Variants in CFAP77 observed in about 807,000 individuals in gnomAD.
CFAP77 encodes the protein cilia- and flagella-associated protein 77.
A neutral mutation model predicts 31.1 loss-of-function variants in CFAP77; 25 were observed. That is an observed-to-expected ratio of 0.80 (90% CI 0.59 to 1.12). The LOEUF is 1.12. Ranked by LOEUF, CFAP77 falls within the 50% of genes most tolerant of loss-of-function variation. CFAP77 has a pLI of 0.00. For missense variants in CFAP77, 377 were observed against 397.3 expected, an observed-to-expected ratio of 0.95 and a Z score of 0.44; for synonymous variants, 151 against 159.9, an observed-to-expected ratio of 0.94 and a Z score of 0.42.
At chr9:132,448,169 G>A (rs968431850) in intron 1 of CFAP77, among the ~76,000 whole-genome samples, 2 of 148,568 alleles carry the variant, frequency 1.3e-5, no homozygotes, top group East Asian at 1.9e-4. Context: ...ATACACACAC[G>A]CACACATGCA....
In CFAP77 at chr9:132,572,718, C is replaced by T; in HGVS notation, c.*208C>T. ...TTAGTCTCCACTTAGCCCCAGTGAC[C>T]CTCTACCTGGAGCCTCCTCCTCTCC... is the stretch of plus-strand genomic sequence containing the variant. On this transcript the variant is annotated 3_prime_UTR_variant, in exon 6 of 6. Coordinates refer to ENST00000393216, the MANE Select transcript of CFAP77 (RefSeq NM_001282957.2). 1 of 564,540 alleles carries T rather than the reference C, an allele frequency of 1.8e-6. No homozygotes were observed. The highest frequency in any genetic ancestry group is 3.1e-6 in the Non-Finnish European group (1 of 325,462). 35.0% of individuals were successfully genotyped at this position (564,540 alleles called of 1,614,324 possible).
At chr9:132,463,053 G>C (rs1219719207) in intron 1 of CFAP77, among the ~76,000 whole-genome samples, 1 of 152,134 alleles carries the variant, frequency 6.6e-6, no homozygotes, top group Non-Finnish European at 1.5e-5. Flanking sequence ...AGGACGGGGA[G>C]AGGCAATGAG....
rs1367290710 is a variant in CFAP77, at chr9:132,486,038, A to ATATG, written c.196-12649_196-12646dup. On this transcript the variant is annotated intron_variant, in intron 1 of 5. Transcript: ENST00000393216. ...TATATATATATATATATATATATAT[A>ATATG]TATGTATGTATATGTATGTGTGTGT... Among the ~76,000 whole-genome samples the ATATG allele has an allele frequency of 3.6e-4, 13 of 36,280 alleles. 1 individual carries two copies. The highest frequency in any genetic ancestry group is 4.7e-4 in the Non-Finnish European group (11 of 23,358). 23.8% of individuals were successfully genotyped at this position (36,280 alleles called of 152,430 possible). A position where few individuals can be genotyped will look rare whatever the true frequency, so the allele number is the denominator to read the frequency against.
intron 3 of CFAP77, among the ~76,000 whole-genome samples, chr9:132,502,439 C>T (rs1459247640): frequency 6.6e-6 from 1 of 152,086 alleles, no homozygotes; most frequent in East Asian, 1.9e-4. Flanking sequence ...CCATCCATCT[C>T]AAGAACTTTT....
Position 132,499,240 on chromosome 9 carries a change from G to C in CFAP77, c.296-132G>C, listed in dbSNP as rs565828658. 9.0e-5 allele frequency: 68 copies of C among 754,964 alleles called. 1 individual carries two copies. In the South Asian group the frequency reaches 1.1e-3, roughly 12 times the overall value. The allele number at this position is 754,964 out of a possible 1,614,324, so 46.8% of individuals were successfully genotyped here. A position where few individuals can be genotyped will look rare whatever the true frequency, so the allele number is the denominator to read the frequency against. The stretch of plus-strand genomic sequence containing the variant: ...ATCATGCTTTCTGGGGGCCAGGCAG[G>C]GTTGTCACCCAGTAGGCTCAGGTAA... On this transcript the variant is annotated intron_variant, in intron 2 of 5. Transcript: ENST00000393216. The surrounding 1 kb of genome is among the most constrained non-coding windows in gnomAD (Gnocchi z 5.4).
chr9:132,467,415 G>A (rs1851172545), intron 1 of CFAP77, among the ~76,000 whole-genome samples: 1 of 151,994 alleles, frequency 6.6e-6, no homozygotes, highest in Non-Finnish European at 1.5e-5. Context: ...TAATTTGACT[G>A]TTTTAGGTAC....
At chr9:132,478,566 C>T (rs990023715) in intron 1 of CFAP77, among the ~76,000 whole-genome samples, 2 of 152,200 alleles carry the variant, frequency 1.3e-5, no homozygotes, top group Admixed American at 6.5e-5. Context: ...ACAGCCCTGT[C>T]GGCGTGAGGT....
intron 1 of CFAP77, among the ~76,000 whole-genome samples, chr9:132,435,573 T>G (rs1211508241): frequency 6.6e-6 from 1 of 152,240 alleles, no homozygotes; most frequent in Admixed American, 6.5e-5. Context: ...AGTTTGTTTA[T>G]GAAAGGCTTG....
intron 5 of CFAP77, among the ~76,000 whole-genome samples, chr9:132,567,851 C>T (rs1173295854): frequency 6.6e-6 from 1 of 152,138 alleles, no homozygotes; most frequent in East Asian, 1.9e-4. Flanking sequence ...ATGGCTGTCT[C>T]CTCTGTGTCT....
rs553439580 is a variant in CFAP77, at chr9:132,429,573, A to G, written c.195+19107A>G. Among the ~76,000 whole-genome samples, 469 of 139,460 alleles carry G rather than the reference A, an allele frequency of 3.4e-3. 4 individuals are homozygous for G. Among genetic ancestry groups the G allele is most frequent in the South Asian group, 0.021 (88 of 4,264 alleles). 91.5% of individuals were successfully genotyped at this position (139,460 alleles called of 152,430 possible). ...AAAAAAAAAAAAAAAGGCCGGGCCC[A>G]GTGGCTCATGCCTGTAATCCCAGCA... On this transcript the variant is annotated intron_variant, in intron 1 of 5. Transcript: ENST00000393216.
At position 132,480,860 on chromosome 9, in the gene CFAP77, C is replaced by G. The variant is rs1109294; in HGVS notation, c.196-17835C>G. Among the ~76,000 whole-genome samples, 3,409 of 152,100 alleles carry G rather than the reference C, an allele frequency of 0.022. 347 individuals carry two copies. In the East Asian group the frequency reaches 0.33, roughly 15 times the overall value. On this transcript the variant is annotated intron_variant, in intron 1 of 5. Coordinates refer to ENST00000393216, the MANE Select transcript of CFAP77 (RefSeq NM_001282957.2). This position sits in a 1 kb window ranked among gnomAD's most constrained non-coding sequence, Gnocchi z 5.8. ...CCCAGGGCAGAAAGCGGACGGTGAGCGAGAGGGCATAAGATGAGGCCAAGG... is the reference window on the plus strand; with the variant it reads ...CCCAGGGCAGAAAGCGGACGGTGAGGGAGAGGGCATAAGATGAGGCCAAGG...
intron 1 of CFAP77, among the ~76,000 whole-genome samples, chr9:132,485,147 A>C (rs1851519164): frequency 6.6e-6 from 1 of 152,204 alleles, no homozygotes; most frequent in Non-Finnish European, 1.5e-5. Flanking sequence ...TTGTATAACT[A>C]GTTCTCTATT....
At chr9:132,510,189 C>T (rs756319558) in intron 3 of CFAP77, among the ~76,000 whole-genome samples, 12 of 152,282 alleles carry the variant, frequency 7.9e-5, no homozygotes, top group Admixed American at 4.6e-4. Context: ...CCAAGGTCAA[C>T]GCTAACGAGG....
chr9:132,528,759 CTCA>C (rs1220626625), intron 3 of CFAP77, among the ~76,000 whole-genome samples: 3 of 80,152 alleles, frequency 3.7e-5, no homozygotes, highest in Admixed American at 2.8e-4. Context: ...TGAAGAAATG[CTCA>C]TCATCACTGG....
intron 1 of CFAP77, among the ~76,000 whole-genome samples, chr9:132,415,139 A>G (rs907626555): frequency 1.3e-5 from 2 of 152,222 alleles, no homozygotes; most frequent in South Asian, 2.1e-4. Context: ...AGGAGAAAAT[A>G]AAACCTTAGG....
In CFAP77 at chr9:132,455,869, TG is replaced by T. The variant is rs1850903617; in HGVS notation, c.196-42823del. ...GCCACAGAATGTAGTGGCCAGGATG[TG>T]GGCTTTGAGGTCCACAGACACAGAC... is the stretch of plus-strand genomic sequence containing the variant. On this transcript the variant is annotated intron_variant, in intron 1 of 5. Coordinates refer to ENST00000393216, the MANE Select transcript of CFAP77 (RefSeq NM_001282957.2). The surrounding 1 kb of genome is among the most constrained non-coding windows in gnomAD (Gnocchi z 4.1). 6.6e-6 allele frequency among the ~76,000 whole-genome samples: 1 copy of T among 152,262 alleles called. No individual in the cohort carries two copies. Among genetic ancestry groups the T allele is most frequent in the Non-Finnish European group, 1.5e-5 (1 of 68,050 alleles).
intron 4 of CFAP77, among the ~76,000 whole-genome samples, chr9:132,542,559 G>A (rs1437555129): frequency 2.6e-5 from 4 of 152,206 alleles, no homozygotes; most frequent in East Asian, 1.9e-4. Flanking sequence ...CCCTGGAATC[G>A]TGCACTTCTT....
intron 3 of CFAP77, among the ~76,000 whole-genome samples, chr9:132,518,250 T>C (rs1220459140): frequency 6.6e-6 from 1 of 152,026 alleles, no homozygotes; most frequent in African/African-American, 2.4e-5. Flanking sequence ...TCGGACTCCT[T>C]TGTGTAGGGG....
intron 3 of CFAP77, chr9:132,513,281 A>G: frequency 6.5e-7 from 1 of 1,549,046 alleles, no homozygotes; most frequent in Non-Finnish European, 8.7e-7. Context: ...ACAAATAGAA[A>G]AGTTCAGAAG....
Sources: allele counts gnomAD v4.1 joint callset (sites outside exome capture counted in the v4.1 genomes callset), GRCh38; gene constraint gnomAD v4.1.1; non-coding constraint Gnocchi (gnomAD v3.1); transcripts MANE v1.5; gene names NCBI Gene and HGNC (gene_info 2026-07-23, HGNC 2026-07-21).